The following COMMD10 variants were observed in gnomAD, a reference collection of about 807,000 sequenced individuals.
The protein encoded by COMMD10 is COMM domain containing 10.
Under a neutral mutation model 28.9 loss-of-function variants are expected in COMMD10, and 33 were observed. That is an observed-to-expected ratio of 1.14 (90% CI 0.87 to 1.53). The LOEUF (loss-of-function observed/expected upper bound fraction) is 1.53, where lower values mean the gene tolerates loss of function less well. Among genes scored for constraint, COMMD10 ranks in the 40% most tolerant of loss-of-function variants. The pLI is 0.00. For synonymous variants in COMMD10, 110 were observed against 81.7 expected (o/e 1.35, Z -1.87); for missense variants, 310 against 233.4 (o/e 1.33, Z -2.14).
intron 5 of COMMD10, among the ~76,000 whole-genome samples, chr5:116,270,912 A>G (rs116456343): frequency 6.6e-6 from 1 of 151,640 alleles, no homozygotes; most frequent in Non-Finnish European, 1.5e-5. Flanking sequence ...ACACTCCAGC[A>G]TGGGCAACGA....
intron 5 of COMMD10, among the ~76,000 whole-genome samples, chr5:116,174,446 A>T (rs1213942910): frequency 2.0e-5 from 3 of 152,178 alleles, no homozygotes; most frequent in African/African-American, 7.2e-5. Context: ...ACATGTTCTG[A>T]ATTATAGTCT....
intron 5 of COMMD10, among the ~76,000 whole-genome samples, chr5:116,139,824 A>G (rs1411004731): frequency 1.3e-5 from 2 of 151,708 alleles, no homozygotes; most frequent in Non-Finnish European, 3.0e-5. Context: ...TACATAGTAA[A>G]ATGATTGCTA....
chr5:116,258,587 C>G (rs1181293638), intron 5 of COMMD10, among the ~76,000 whole-genome samples: 1 of 151,512 alleles, frequency 6.6e-6, no homozygotes, highest in Non-Finnish European at 1.5e-5. Flanking sequence ...ACATAGAGTC[C>G]TATGTTTAAG....
chr5:116,244,660 C>CAAAAAAAAAAAAA (rs60360733), intron 5 of COMMD10, among the ~76,000 whole-genome samples: 16 of 79,474 alleles, frequency 2.0e-4, no homozygotes, highest in East Asian at 3.8e-4. Flanking sequence ...AAAAAAATTA[C>CAAAAAAAAAAAAA]AAAAAAAAAA....
intron 5 of COMMD10, among the ~76,000 whole-genome samples, chr5:116,236,767 C>A (rs554698177): frequency 6.6e-6 from 1 of 151,998 alleles, no homozygotes; most frequent in Non-Finnish European, 1.5e-5. Context: ...TTCAAACTCA[C>A]AGAATTTACA....
chr5:116,266,486 T>C (rs953355884), intron 5 of COMMD10, among the ~76,000 whole-genome samples: 5 of 151,842 alleles, frequency 3.3e-5, no homozygotes, highest in Non-Finnish European at 2.9e-5. Context: ...CATCTAATCT[T>C]AACATTATCT....
At chr5:116,226,980 C>T (rs1448457137) in intron 5 of COMMD10, among the ~76,000 whole-genome samples, 2 of 151,964 alleles carry the variant, frequency 1.3e-5, no homozygotes, top group African/African-American at 2.4e-5. Context: ...TTATTTTATG[C>T]CCCAGGCCCG....
chr5:116,281,132 A>C (rs1751057656), intron 5 of COMMD10, among the ~76,000 whole-genome samples: 1 of 151,798 alleles, frequency 6.6e-6, no homozygotes, highest in African/African-American at 2.4e-5. Flanking sequence ...TTTAATTCTT[A>C]CCTAGTTTAT....
intron 5 of COMMD10, among the ~76,000 whole-genome samples, chr5:116,202,279 C>G (rs1748689574): frequency 6.6e-6 from 1 of 151,700 alleles, no homozygotes; most frequent in Middle Eastern, 3.4e-3. Flanking sequence ...TTAATCCAGT[C>G]TATCATTGTT....
intron 4 of COMMD10, among the ~76,000 whole-genome samples, chr5:116,104,349 A>T (rs1750764478): frequency 6.6e-6 from 1 of 152,072 alleles, no homozygotes; most frequent in African/African-American, 2.4e-5. Flanking sequence ...GTTCTCCTTG[A>T]AGAGGACCTT....
chr5:116,183,963 T>G (rs1201296531), intron 5 of COMMD10, among the ~76,000 whole-genome samples: 1 of 152,168 alleles, frequency 6.6e-6, no homozygotes, highest in Non-Finnish European at 1.5e-5. Flanking sequence ...AAATAACTTT[T>G]GGATTTTGTG....
At chr5:116,174,070 G>C (rs971812080) in intron 5 of COMMD10, among the ~76,000 whole-genome samples, 5 of 152,096 alleles carry the variant, frequency 3.3e-5, no homozygotes, top group Non-Finnish European at 7.4e-5. Flanking sequence ...CTATCAGGTT[G>C]TGATTAACAC....
At chr5:116,168,846 T>A (rs571265291) in intron 5 of COMMD10, among the ~76,000 whole-genome samples, 2 of 152,174 alleles carry the variant, frequency 1.3e-5, no homozygotes, top group Middle Eastern at 3.4e-3. Flanking sequence ...AGAGGGAAAT[T>A]TATAGCACTA....
At chr5:116,238,427 G>A (rs1432831368) in intron 5 of COMMD10, among the ~76,000 whole-genome samples, 2 of 152,010 alleles carry the variant, frequency 1.3e-5, no homozygotes, top group East Asian at 3.9e-4. Flanking sequence ...CTTTTAGCTG[G>A]TTTAATGTAA....
At chr5:116,142,099 T>A (rs1186045010) in intron 5 of COMMD10, among the ~76,000 whole-genome samples, 1 of 151,902 alleles carries the variant, frequency 6.6e-6, no homozygotes, top group Non-Finnish European at 1.5e-5. Flanking sequence ...GTAATCCATT[T>A]GTTTTATTTT....
intron 5 of COMMD10, among the ~76,000 whole-genome samples, chr5:116,175,238 T>C (rs1254461478): frequency 6.6e-6 from 1 of 151,860 alleles, no homozygotes; most frequent in African/African-American, 2.4e-5. Flanking sequence ...CTCACTAAAA[T>C]ACAAATTTCT....
At chr5:116,185,854 T>C (rs1748118302) in intron 5 of COMMD10, among the ~76,000 whole-genome samples, 1 of 152,156 alleles carries the variant, frequency 6.6e-6, no homozygotes, top group Admixed American at 6.6e-5. Context: ...TATCTTAGAC[T>C]CTAATCACTT....
At chr5:116,233,281 GTTA>G (rs1007619861) in intron 5 of COMMD10, among the ~76,000 whole-genome samples, 62 of 151,848 alleles carry the variant, frequency 4.1e-4, no homozygotes, top group African/African-American at 1.5e-3. Flanking sequence ...TTTATTATTA[GTTA>G]TTGTTAATCT....
intron 5 of COMMD10, among the ~76,000 whole-genome samples, chr5:116,166,700 C>T (rs1426723069): frequency 2.6e-5 from 4 of 152,280 alleles, no homozygotes; most frequent in African/African-American, 7.2e-5. Context: ...CCCAGGCAAA[C>T]AGGGTCTGGA....
Sources: gnomAD v4.1 joint callset for allele counts (sites outside exome capture counted in the v4.1 genomes callset) on GRCh38, gnomAD v4.1.1 for gene constraint, MANE v1.5 for transcripts, NCBI Gene and HGNC (gene_info 2026-07-23, HGNC 2026-07-21) for gene names.